KIAA1958: variants seen among roughly 807,000 people sequenced by gnomAD.
KIAA1958 encodes the protein uncharacterized protein KIAA1958.
A neutral mutation model predicts 47.2 loss-of-function variants in KIAA1958; 14 were observed. The observed-to-expected ratio is 0.30, with a 90% confidence interval of 0.20 to 0.46. KIAA1958 has a LOEUF of 0.46. Among genes scored for constraint, KIAA1958 ranks in the 20% least tolerant of loss-of-function variants. The pLI, the probability that KIAA1958 is intolerant of heterozygous loss-of-function variation, is 1.00. For missense variants in KIAA1958, 803 were observed against 909.2 expected (o/e 0.88, Z 1.50); for synonymous variants, 354 against 353.3 (o/e 1.00, Z -0.02).
intron 2 of KIAA1958, among the ~76,000 whole-genome samples, chr9:112,591,733 A>AT (rs1835926394): frequency 6.6e-6 from 1 of 152,170 alleles, no homozygotes; most frequent in Non-Finnish European, 1.5e-5. Flanking sequence ...CACAAAAAAA[A>AT]GAAAAGAAAA....
chr9:112,640,508 C>T (rs1197404498), intron 2 of KIAA1958, among the ~76,000 whole-genome samples: 2 of 152,174 alleles, frequency 1.3e-5, no homozygotes, highest in African/African-American at 2.4e-5. Context: ...TCCAGGATCT[C>T]GGTCTCTCAA....
chr9:112,643,191 G>A (rs1365962474), intron 2 of KIAA1958, among the ~76,000 whole-genome samples: 1 of 152,166 alleles, frequency 6.6e-6, no homozygotes, highest in Non-Finnish European at 1.5e-5. Context: ...TATAGTACCT[G>A]ATTCTTTCAC....
intron 1 of KIAA1958, among the ~76,000 whole-genome samples, chr9:112,571,328 C>A (rs964688058): frequency 6.6e-6 from 1 of 152,134 alleles, no homozygotes; most frequent in Non-Finnish European, 1.5e-5. Context: ...AATAGTTCCA[C>A]CTAACATGAT....
At chr9:112,641,867 G>A (rs1173769703) in intron 2 of KIAA1958, among the ~76,000 whole-genome samples, 1 of 151,838 alleles carries the variant, frequency 6.6e-6, no homozygotes, top group Non-Finnish European at 1.5e-5. Flanking sequence ...TCCTTTTCCA[G>A]TAAAGACTGT....
chr9:112,636,533 C>T (rs1836806989), intron 2 of KIAA1958, among the ~76,000 whole-genome samples: 1 of 152,104 alleles, frequency 6.6e-6, no homozygotes, highest in African/African-American at 2.4e-5. Flanking sequence ...TTAATTTTTG[C>T]TTTCTATATG....
chr9:112,514,810 GT>G (rs1834387552), intron 1 of KIAA1958, among the ~76,000 whole-genome samples: 1 of 49,198 alleles, frequency 2.0e-5, no homozygotes, highest in Non-Finnish European at 4.6e-5. Flanking sequence ...AGGTGGGGGG[GT>G]CAGCCCCCCG....
At chr9:112,631,929 T>C (rs1217214148) in intron 2 of KIAA1958, among the ~76,000 whole-genome samples, 1 of 152,214 alleles carries the variant, frequency 6.6e-6, no homozygotes, top group Non-Finnish European at 1.5e-5. Context: ...TTTATAACTT[T>C]GGCTTAAAGA....
intron 2 of KIAA1958, among the ~76,000 whole-genome samples, chr9:112,631,534 GA>G (rs57805823): frequency 0.028 from 2,793 of 98,196 alleles, 53 homozygotes; most frequent in African/African-American, 0.066. Context: ...CTCTCTCAAA[GA>G]AAAAAAAAAA....
chr9:112,618,918 C>A lies in KIAA1958; in HGVS notation c.1172-26732C>A. The A allele has an allele frequency of 6.6e-7, 1 of 1,521,810 alleles. No homozygotes were observed. The highest frequency in any genetic ancestry group is 8.9e-7 in the Non-Finnish European group (1 of 1,127,608). 94.3% of individuals were successfully genotyped at this position (1,521,810 alleles called of 1,614,324 possible). Reference sequence around the variant, plus strand: ...GACTCTTCCTCAGACACCGCTTGACCAGGTGGCTTGAGCAAGACTCCAGTT... The same window carrying A: ...GACTCTTCCTCAGACACCGCTTGACAAGGTGGCTTGAGCAAGACTCCAGTT... On this transcript the variant is annotated intron_variant, in intron 2 of 3. Transcript: ENST00000337530. The surrounding 1 kb of genome is among the most constrained non-coding windows in gnomAD (Gnocchi z 7.1).
At chr9:112,495,339 A>C (rs1208536969) in intron 1 of KIAA1958, among the ~76,000 whole-genome samples, 1 of 151,780 alleles carries the variant, frequency 6.6e-6, no homozygotes, top group Non-Finnish European at 1.5e-5. Flanking sequence ...ACTTTTGGAG[A>C]AGGTTTCTGT....
In KIAA1958 at chr9:112,496,857, ACT is replaced by A. The variant is rs539079623; in HGVS notation, c.-25+9744_-25+9745del. Reference sequence around the variant, plus strand: ...TTTCCCAGCTCTTAGAATCACCAGAACTCTCTTTTTTCTCCCTTCATCTGACC... The same window carrying A: ...TTTCCCAGCTCTTAGAATCACCAGAACTCTTTTTTCTCCCTTCATCTGACC... On this transcript the variant is annotated intron_variant, in intron 1 of 3. Transcript: ENST00000337530. Among the ~76,000 whole-genome samples the A allele has an allele frequency of 9.1e-3, 1,382 of 152,090 alleles. 10 individuals carry two copies. Among genetic ancestry groups the A allele is most frequent in the Admixed American group, 0.017 (255 of 15,268 alleles).
chr9:112,540,983 A>T (rs993541147), intron 1 of KIAA1958, among the ~76,000 whole-genome samples: 1 of 151,956 alleles, frequency 6.6e-6, no homozygotes, highest in Non-Finnish European at 1.5e-5. Flanking sequence ...ACCTCCTAAC[A>T]TACTGGGATT....
intron 3 of KIAA1958, among the ~76,000 whole-genome samples, chr9:112,646,595 G>C (rs973224502): frequency 6.6e-6 from 1 of 152,170 alleles, no homozygotes; most frequent in African/African-American, 2.4e-5. Context: ...AAAGCCAGGG[G>C]TACTGGCACA....
intron 1 of KIAA1958, among the ~76,000 whole-genome samples, chr9:112,524,517 A>G (rs1400174128): frequency 1.3e-5 from 2 of 152,258 alleles, no homozygotes; most frequent in African/African-American, 4.8e-5. Context: ...TATGCAATTC[A>G]GTGGCATTAA....
At chr9:112,540,372 A>G (rs1324372217) in intron 1 of KIAA1958, among the ~76,000 whole-genome samples, 1 of 152,238 alleles carries the variant, frequency 6.6e-6, no homozygotes, top group East Asian at 1.9e-4. Flanking sequence ...TTACATATAT[A>G]CACATATGTA....
intron 1 of KIAA1958, among the ~76,000 whole-genome samples, chr9:112,526,796 C>A (rs1426113323): frequency 3.3e-5 from 5 of 152,214 alleles, no homozygotes; most frequent in African/African-American, 1.2e-4. Context: ...AATACTGTTA[C>A]ACTAGCAATT....
chr9:112,529,224 A>G (rs978272660), intron 1 of KIAA1958, among the ~76,000 whole-genome samples: 6 of 152,226 alleles, frequency 3.9e-5, no homozygotes, highest in African/African-American at 1.2e-4. Flanking sequence ...CATATTGTAT[A>G]TAGGCTTTAA....
intron 2 of KIAA1958, among the ~76,000 whole-genome samples, chr9:112,576,336 T>G (rs755608493): frequency 1.6e-4 from 24 of 152,208 alleles, no homozygotes; most frequent in Non-Finnish European, 2.9e-4. Flanking sequence ...ACTTTTATCT[T>G]TTTTTAAATA....
At chr9:112,496,971 A>G (rs1368969284) in intron 1 of KIAA1958, among the ~76,000 whole-genome samples, 4 of 151,814 alleles carry the variant, frequency 2.6e-5, no homozygotes, top group African/African-American at 9.7e-5. Flanking sequence ...CTATCACCTG[A>G]TATTGTTGAA....
Sources: allele counts gnomAD v4.1 joint callset (sites outside exome capture counted in the v4.1 genomes callset), GRCh38; gene constraint gnomAD v4.1.1; non-coding constraint Gnocchi (gnomAD v3.1); transcripts MANE v1.5; gene names NCBI Gene and HGNC (gene_info 2026-07-23, HGNC 2026-07-21).